Variants in NRG3 observed in about 807,000 individuals in gnomAD.
NRG3 encodes the protein neuregulin 3.
A neutral mutation model predicts 66.9 loss-of-function variants in NRG3; 31 were observed. That is an observed-to-expected ratio of 0.46 (90% CI 0.35 to 0.63). The LOEUF (loss-of-function observed/expected upper bound fraction) is 0.63, where lower values mean the gene tolerates loss of function less well. Among genes scored for constraint, NRG3 ranks in the 20% least tolerant of loss-of-function variants. The pLI is 0.00. For missense variants in NRG3, 910 were observed against 878.9 expected (o/e 1.04, Z -0.45); for synonymous variants, 393 against 359.4 (o/e 1.09, Z -1.06).
At chr10:82,952,010 C>T (rs531916339) in intron 5 of NRG3, among the ~76,000 whole-genome samples, 2 of 152,250 alleles carry the variant, frequency 1.3e-5, no homozygotes, top group East Asian at 3.9e-4. Context: ...AGATTTTAGG[C>T]AAATGTGGAA....
chr10:82,299,062 C>T (rs2080241367), intron 1 of NRG3, among the ~76,000 whole-genome samples: 1 of 152,066 alleles, frequency 6.6e-6, no homozygotes, highest in Non-Finnish European at 1.5e-5. Context: ...CAGTGACATG[C>T]CGTGGGCCCA....
At chr10:82,346,193 C>A (rs1387142985) in intron 1 of NRG3, among the ~76,000 whole-genome samples, 1 of 148,388 alleles carries the variant, frequency 6.7e-6, no homozygotes, top group African/African-American at 2.6e-5. Flanking sequence ...ATGATATTGG[C>A]TGTGGGTTTG....
chr10:81,878,328 G>A (rs1041563674), intron 1 of NRG3, among the ~76,000 whole-genome samples: 1 of 152,208 alleles, frequency 6.6e-6, no homozygotes, highest in African/African-American at 2.4e-5. Context: ...ATTAAGGTAT[G>A]TAATACAAGT....
chr10:82,962,732 G>A lies in NRG3; in HGVS notation c.1284+3657G>A, dbSNP rs994964615. On this transcript the variant is annotated intron_variant, in intron 6 of 8. Coordinates refer to ENST00000372141, the MANE Select transcript of NRG3 (RefSeq NM_001010848.4). ...TGGGTGCCTGTAATTCCAGCTACTC[G>A]GGAGGTTGAGGTGGGAGAATTGCTT... 2.6e-5 allele frequency among the ~76,000 whole-genome samples: 4 copies of A among 152,012 alleles called. No homozygotes were observed. The East Asian group carries it at 5.8e-4, about 22-fold the overall frequency.
chr10:82,248,219 A>T (rs2077332144), intron 1 of NRG3, among the ~76,000 whole-genome samples: 1 of 152,274 alleles, frequency 6.6e-6, no homozygotes, highest in Non-Finnish European at 1.5e-5. Flanking sequence ...ACTTTTCAGT[A>T]CCATTTAACT....
intron 1 of NRG3, among the ~76,000 whole-genome samples, chr10:82,213,875 T>C (rs1023571352): frequency 1.3e-5 from 2 of 152,170 alleles, no homozygotes; most frequent in African/African-American, 4.8e-5. Flanking sequence ...TGGAGGTAAG[T>C]AGCACCAGAG....
At chr10:82,736,048 G>T (rs147041289) in intron 2 of NRG3, among the ~76,000 whole-genome samples, 15 of 152,132 alleles carry the variant, frequency 9.9e-5, no homozygotes, top group Admixed American at 9.2e-4. Context: ...GTATTAAGAT[G>T]AACAGAAAGG....
intron 1 of NRG3, among the ~76,000 whole-genome samples, chr10:82,047,597 G>A (rs1234699928): frequency 6.6e-6 from 1 of 151,412 alleles, no homozygotes. Flanking sequence ...GCTCCTGAAG[G>A]AAGCACTAAT....
intron 2 of NRG3, among the ~76,000 whole-genome samples, chr10:82,504,998 T>C (rs975409231): frequency 2.0e-5 from 3 of 152,220 alleles, no homozygotes; most frequent in African/African-American, 7.2e-5. Context: ...GTACAGACTC[T>C]ATGGGCCAAG....
At chr10:82,338,185 T>C (rs1416934780) in intron 1 of NRG3, among the ~76,000 whole-genome samples, 4 of 152,222 alleles carry the variant, frequency 2.6e-5, no homozygotes, top group African/African-American at 9.6e-5. Flanking sequence ...GATGTCAATA[T>C]GATAGTAAAG....
chr10:82,813,131 A>C (rs1457770648), intron 3 of NRG3, among the ~76,000 whole-genome samples: 3 of 151,226 alleles, frequency 2.0e-5, no homozygotes, highest in African/African-American at 7.3e-5. Flanking sequence ...GAAATGTATG[A>C]GTGTTTTGAT....
intron 2 of NRG3, among the ~76,000 whole-genome samples, chr10:82,484,070 A>G (rs1231215894): frequency 6.6e-6 from 1 of 152,118 alleles, no homozygotes; most frequent in Non-Finnish European, 1.5e-5. Flanking sequence ...TTTTTTCTAT[A>G]ATGGCTTATT....
intron 1 of NRG3, among the ~76,000 whole-genome samples, chr10:82,120,551 A>G (rs546841036): frequency 3.2e-4 from 48 of 152,098 alleles, no homozygotes; most frequent in Middle Eastern, 3.2e-3. Context: ...TTATTTTTTC[A>G]GGGAATCACA....
chr10:82,041,751 T>C (rs551523707), intron 1 of NRG3, among the ~76,000 whole-genome samples: 3 of 152,000 alleles, frequency 2.0e-5, no homozygotes, highest in Admixed American at 1.3e-4. Context: ...CCTTCACCCT[T>C]CCTTCCTTCT....
chr10:82,567,637 C>G (rs1016992484), intron 2 of NRG3, among the ~76,000 whole-genome samples: 1 of 151,944 alleles, frequency 6.6e-6, no homozygotes, highest in Non-Finnish European at 1.5e-5. Context: ...ACATATAAAT[C>G]AATCTCATAT....
chr10:82,934,771 G>A (rs1015535177), intron 4 of NRG3, among the ~76,000 whole-genome samples: 1 of 152,222 alleles, frequency 6.6e-6, no homozygotes, highest in Admixed American at 6.5e-5. Context: ...TAAAAGAGAT[G>A]AGGCTTAAAA....
chr10:82,544,892 A>G (rs1199008248), intron 2 of NRG3, among the ~76,000 whole-genome samples: 1 of 152,248 alleles, frequency 6.6e-6, no homozygotes, highest in Non-Finnish European at 1.5e-5. Flanking sequence ...AGGAGCTTCA[A>G]TATTACTTTC....
chr10:81,978,064 G>C (rs563468986), intron 1 of NRG3, among the ~76,000 whole-genome samples: 1 of 152,226 alleles, frequency 6.6e-6, no homozygotes, highest in Non-Finnish European at 1.5e-5. Flanking sequence ...GCTATTTGAA[G>C]CTATATATTA....
intron 1 of NRG3, among the ~76,000 whole-genome samples, chr10:82,170,779 C>T (rs1381594566): frequency 1.4e-5 from 2 of 146,144 alleles, no homozygotes; most frequent in Non-Finnish European, 3.0e-5. Context: ...TTCAAAATTG[C>T]CATTCGATTG....
Sources: allele counts gnomAD v4.1 joint callset (sites outside exome capture counted in the v4.1 genomes callset), GRCh38; gene constraint gnomAD v4.1.1; transcripts MANE v1.5; gene names NCBI Gene and HGNC (gene_info 2026-07-23, HGNC 2026-07-21).